The following UNC5C variants were observed in gnomAD, a reference collection of about 807,000 sequenced individuals.
UNC5C encodes unc-5 netrin receptor C, also known as netrin receptor UNC5C.
In UNC5C, 47 loss-of-function variants were observed where a neutral mutation model predicts 99.8. That is an observed-to-expected ratio of 0.47 (90% CI 0.37 to 0.60). UNC5C has a LOEUF of 0.60. Ranked by LOEUF, UNC5C falls within the 20% of genes least tolerant of loss-of-function variation. The probability of loss-of-function intolerance (pLI) is 0.00; values close to 1 mark genes in which losing one functional copy is unlikely to be tolerated. For missense variants in UNC5C, 1,062 were observed against 1,165.9 expected (o/e 0.91, Z 1.30); for synonymous variants, 487 against 452.2 (o/e 1.08, Z -0.98).
At chr4:95,240,637 C>CACAA (rs938546000) in intron 7 of UNC5C, among the ~76,000 whole-genome samples, 1 of 152,046 alleles carries the variant, frequency 6.6e-6, no homozygotes, top group African/African-American at 2.4e-5. Context: ...CAAACACAAA[C>CACAA]ACAAACAAAC....
At chr4:95,502,669 C>T (rs973491178) in intron 1 of UNC5C, among the ~76,000 whole-genome samples, 3 of 152,084 alleles carry the variant, frequency 2.0e-5, no homozygotes, top group South Asian at 2.1e-4. Flanking sequence ...TTGACACACA[C>T]GTGGAAAGCA....
intron 2 of UNC5C, among the ~76,000 whole-genome samples, chr4:95,313,317 T>C (rs1377266987): frequency 6.6e-6 from 1 of 152,130 alleles, no homozygotes; most frequent in Non-Finnish European, 1.5e-5. Context: ...AATTGTAAAT[T>C]GGTAAAATGA....
chr4:95,211,414 A>G (rs1307144634), intron 10 of UNC5C, among the ~76,000 whole-genome samples: 2 of 152,256 alleles, frequency 1.3e-5, no homozygotes, highest in African/African-American at 2.4e-5. Flanking sequence ...GGATTAAGCC[A>G]GAACTGATAA....
chr4:95,313,388 C>T (rs1331135861), intron 2 of UNC5C, among the ~76,000 whole-genome samples: 1 of 151,860 alleles, frequency 6.6e-6, no homozygotes, highest in Non-Finnish European at 1.5e-5. Context: ...AACAAGGATA[C>T]ACTGACTTAC....
chr4:95,496,841 A>G lies in UNC5C; in HGVS notation c.124+51893T>C, dbSNP rs146699647. 1.2e-3 allele frequency among the ~76,000 whole-genome samples: 189 copies of G among 151,630 alleles called. 4 individuals are homozygous for G. The East Asian group carries it at 0.03, about 24-fold the overall frequency. ...AGTTTTTATCCCTCACCCTCTCCCA[A>G]TCTTCCCCTCCCACCCACCAAATCC... On this transcript the variant is annotated intron_variant, in intron 1 of 15. Transcript: ENST00000453304.
chr4:95,207,024 C>T (rs1337750902), intron 10 of UNC5C, among the ~76,000 whole-genome samples: 2 of 151,540 alleles, frequency 1.3e-5, no homozygotes, highest in Non-Finnish European at 2.9e-5. Flanking sequence ...AATAAACTTG[C>T]CAGCATCTCT....
chr4:95,471,829 C>A (rs1747978476), intron 1 of UNC5C, among the ~76,000 whole-genome samples: 1 of 146,642 alleles, frequency 6.8e-6, no homozygotes, highest in Non-Finnish European at 1.5e-5. Flanking sequence ...TGCATTTTGT[C>A]TTTTTTTTTT....
chr4:95,192,223 C>T (rs1176037782), intron 12 of UNC5C, among the ~76,000 whole-genome samples: 9 of 144,660 alleles, frequency 6.2e-5, no homozygotes, highest in African/African-American at 2.3e-4. Flanking sequence ...TTTGCTCGCC[C>T]TCCTCTGCTC....
At chr4:95,402,851 T>G (rs1745738040) in intron 1 of UNC5C, among the ~76,000 whole-genome samples, 1 of 152,240 alleles carries the variant, frequency 6.6e-6, no homozygotes, top group African/African-American at 2.4e-5. Context: ...CTAAAGAGAT[T>G]GCTCCCTTTA....
chr4:95,379,027 C>T (rs138719463), intron 1 of UNC5C, among the ~76,000 whole-genome samples: 15 of 152,176 alleles, frequency 9.9e-5, no homozygotes, highest in Admixed American at 2.6e-4. Context: ...AGGAACTAAG[C>T]CCTCATACTA....
intron 3 of UNC5C, among the ~76,000 whole-genome samples, chr4:95,281,702 C>CA (rs1741065645): frequency 6.6e-6 from 1 of 152,158 alleles, no homozygotes; most frequent in South Asian, 2.1e-4. Flanking sequence ...CACTGAGTGG[C>CA]ATAGTATCAA....
chr4:95,513,815 C>G (rs1332402172), intron 1 of UNC5C, among the ~76,000 whole-genome samples: 1 of 152,144 alleles, frequency 6.6e-6, no homozygotes, highest in East Asian at 1.9e-4. Context: ...TGTCAACCAT[C>G]ATGACAAGTC....
chr4:95,270,237 A>G (rs1740609122), intron 4 of UNC5C, among the ~76,000 whole-genome samples: 1 of 152,238 alleles, frequency 6.6e-6, no homozygotes, highest in Non-Finnish European at 1.5e-5. Context: ...GCTAAAAACC[A>G]GAGGCTACTT....
intron 4 of UNC5C, among the ~76,000 whole-genome samples, chr4:95,260,723 C>A (rs1309073666): frequency 2.0e-5 from 3 of 152,110 alleles, no homozygotes; most frequent in African/African-American, 4.8e-5. Context: ...TCATGAGAAT[C>A]CTGACCTGGC....
chr4:95,359,386 G>C (rs919531902), intron 1 of UNC5C, among the ~76,000 whole-genome samples: 1 of 151,150 alleles, frequency 6.6e-6, no homozygotes, highest in Non-Finnish European at 1.5e-5. Flanking sequence ...TCAGCTCTAG[G>C]GCAAAAAAAA....
At chr4:95,281,966 C>A (rs1386181058) in intron 3 of UNC5C, among the ~76,000 whole-genome samples, 2 of 152,132 alleles carry the variant, frequency 1.3e-5, no homozygotes, top group African/African-American at 4.8e-5. Flanking sequence ...AAAATAAGTG[C>A]CTTCAGACAA....
rs367928879 is a variant in UNC5C at position 95,184,679 on chromosome 4, A to T, written c.2286+368T>A. On this transcript the variant is annotated intron_variant, in intron 13 of 15. Transcript: ENST00000453304. ...TAAGGGTACTGGCCTAGGAAGGCTGAAGCCTAATTTGTGTCCCATGGAATA... is the reference window on the plus strand; with the variant it reads ...TAAGGGTACTGGCCTAGGAAGGCTGTAGCCTAATTTGTGTCCCATGGAATA... Among the ~76,000 whole-genome samples the T allele has an allele frequency of 2.0e-5, 3 of 152,306 alleles. No individual in the cohort carries two copies. In the South Asian group the frequency reaches 6.2e-4, roughly 32 times the overall value.
At chr4:95,404,770 C>A (rs1745789416) in intron 1 of UNC5C, among the ~76,000 whole-genome samples, 1 of 152,148 alleles carries the variant, frequency 6.6e-6, no homozygotes, top group Non-Finnish European at 1.5e-5. Flanking sequence ...GCCCACCATG[C>A]CCTCTATCCT....
chr4:95,397,297 A>T (rs1246933797), intron 1 of UNC5C, among the ~76,000 whole-genome samples: 2 of 152,262 alleles, frequency 1.3e-5, no homozygotes, highest in Non-Finnish European at 2.9e-5. Flanking sequence ...CAAGGTTAAT[A>T]AACTGGTGCA....
Sources: gnomAD v4.1 joint callset for allele counts (sites outside exome capture counted in the v4.1 genomes callset) on GRCh38, gnomAD v4.1.1 for gene constraint, MANE v1.5 for transcripts, NCBI Gene and HGNC (gene_info 2026-07-23, HGNC 2026-07-21) for gene names.